SDK2: variants seen among roughly 807,000 people sequenced by gnomAD.
The protein encoded by SDK2 is protein sidekick-2.
In SDK2, 105 loss-of-function variants were observed where a neutral mutation model predicts 253.9. The ratio of observed to expected loss-of-function variants is 0.41; its 90% CI spans 0.35 to 0.49. The LOEUF (loss-of-function observed/expected upper bound fraction) is 0.49, where lower values mean the gene tolerates loss of function less well. Among genes scored for constraint, SDK2 ranks in the 20% least tolerant of loss-of-function variants. SDK2 has a pLI of 0.06. For missense variants in SDK2, 2,608 were observed against 3,003.0 expected, an observed-to-expected ratio of 0.87 and a Z score of 3.07; for synonymous variants, 1,249 against 1,234.9, an observed-to-expected ratio of 1.01 and a Z score of -0.24.
chr17:73,456,916 TC>T, intron 3 of SDK2, among the ~76,000 whole-genome samples: 1 of 152,266 alleles, frequency 6.6e-6, no homozygotes, highest in East Asian at 1.9e-4. Flanking sequence ...TTAATGGACA[TC>T]CCTGTTACTT....
chr17:73,378,132 G>T (rs1163705720), intron 36 of SDK2, among the ~76,000 whole-genome samples: 2 of 148,818 alleles, frequency 1.3e-5, no homozygotes, highest in African/African-American at 5.1e-5. Context: ...ACAGTGTCTT[G>T]CTCTGTTACC....
rs1193792451 is a variant in SDK2, at chr17:73,541,647, T to G, written c.65-34050A>C. 6.6e-6 allele frequency among the ~76,000 whole-genome samples: 1 copy of G among 152,160 alleles called. No homozygotes were observed. The highest frequency in any genetic ancestry group is 1.5e-5 in the Non-Finnish European group (1 of 68,016). On this transcript the variant is annotated intron_variant, in intron 1 of 44. Transcript: ENST00000392650. This position sits in a 1 kb window ranked among gnomAD's most constrained non-coding sequence, Gnocchi z 4.3. Reference sequence around the variant, plus strand: ...ATTTCTCGTGGCGTGTTTACCTTCCTGATTTTGCCTGCTTTTGTTTGGTTT... The same window carrying G: ...ATTTCTCGTGGCGTGTTTACCTTCCGGATTTTGCCTGCTTTTGTTTGGTTT...
At chr17:73,548,151 C>T (rs1250949973) in intron 1 of SDK2, among the ~76,000 whole-genome samples, 1 of 152,180 alleles carries the variant, frequency 6.6e-6, no homozygotes, top group Non-Finnish European at 1.5e-5. Flanking sequence ...AGAGCCAAAC[C>T]CTATCAATGG....
intron 41 of SDK2, among the ~76,000 whole-genome samples, chr17:73,351,542 AT>A (rs1435486281): frequency 6.6e-6 from 1 of 151,936 alleles, no homozygotes; most frequent in Non-Finnish European, 1.5e-5. Context: ...TTGGAGTGAA[AT>A]TTTTGCTGGT....
chr17:73,415,214 G>T (rs2063170488), intron 17 of SDK2, among the ~76,000 whole-genome samples: 1 of 152,184 alleles, frequency 6.6e-6, no homozygotes, highest in South Asian at 2.1e-4. Flanking sequence ...GGGTGCAATA[G>T]TAGGGGCCTG....
At chr17:73,526,283 C>T (rs1161933149) in intron 1 of SDK2, among the ~76,000 whole-genome samples, 1 of 152,044 alleles carries the variant, frequency 6.6e-6, no homozygotes, top group Admixed American at 6.6e-5. Context: ...GAGATGTGGC[C>T]GGCCAGCACA....
At chr17:73,557,274 CA>C (rs1333599873) in intron 1 of SDK2, among the ~76,000 whole-genome samples, 1 of 151,984 alleles carries the variant, frequency 6.6e-6, no homozygotes, top group Non-Finnish European at 1.5e-5. Flanking sequence ...AGGCTTACCT[CA>C]AAGGCTTTGC....
chr17:73,492,419 A>T (rs2063811886), intron 2 of SDK2, among the ~76,000 whole-genome samples: 1 of 151,950 alleles, frequency 6.6e-6, no homozygotes, highest in Admixed American at 6.6e-5. Context: ...GCCTCCAGGG[A>T]CTGTGCCCTA....
chr17:73,512,479 G>C (rs2063988334), intron 1 of SDK2, among the ~76,000 whole-genome samples: 1 of 151,954 alleles, frequency 6.6e-6, no homozygotes, highest in South Asian at 2.1e-4. Flanking sequence ...AAGGAGAATT[G>C]TGGATAGAAA....
chr17:73,466,519 G>A (rs1377198026), intron 3 of SDK2, among the ~76,000 whole-genome samples: 2 of 152,178 alleles, frequency 1.3e-5, no homozygotes, highest in Admixed American at 1.3e-4. Flanking sequence ...GGCAGAAGAA[G>A]GTAGACAGTG....
intron 3 of SDK2, among the ~76,000 whole-genome samples, chr17:73,469,686 T>G (rs2063630262): frequency 6.6e-6 from 1 of 152,054 alleles, no homozygotes. Flanking sequence ...CACCCTGGGT[T>G]TGTGTGTATG....
At chr17:73,371,843 C>T (rs1568369772) in intron 36 of SDK2, among the ~76,000 whole-genome samples, 1 of 151,914 alleles carries the variant, frequency 6.6e-6, no homozygotes, top group African/African-American at 2.4e-5. Context: ...GCCTGTAATC[C>T]CAGCTACTCA....
chr17:73,537,346 T>C (rs1312889440), intron 1 of SDK2, among the ~76,000 whole-genome samples: 1 of 152,082 alleles, frequency 6.6e-6, no homozygotes, highest in African/African-American at 2.4e-5. Context: ...CCGATTTCGC[T>C]TTGGGGCCTT....
intron 1 of SDK2, among the ~76,000 whole-genome samples, chr17:73,540,521 G>A (rs1300952491): frequency 6.6e-6 from 1 of 152,182 alleles, no homozygotes; most frequent in Non-Finnish European, 1.5e-5. Context: ...GACTAGGTAT[G>A]ATATTTGCTA....
At chr17:73,365,198 G>A in intron 38 of SDK2, 60 bp downstream of exon 38, 4 of 1,371,912 alleles carry the variant, frequency 2.9e-6, no homozygotes, top group Non-Finnish European at 3.9e-6. Context: ...TGGGCGCTGA[G>A]ATGAGAGCGA....
intron 1 of SDK2, among the ~76,000 whole-genome samples, chr17:73,573,139 A>G (rs2045411258): frequency 6.6e-6 from 1 of 152,090 alleles, no homozygotes; most frequent in Non-Finnish European, 1.5e-5. Context: ...CTTCCTCACA[A>G]TCAGCACCCC....
chr17:73,618,874 G>C lies in SDK2; in HGVS notation c.64+25151C>G, dbSNP rs917812168. 2.4e-4 allele frequency among the ~76,000 whole-genome samples: 36 copies of C among 151,958 alleles called. No individual in the cohort carries two copies. Among genetic ancestry groups the C allele is most frequent in the African/African-American group, 8.5e-4 (35 of 41,366 alleles). ...GAACCCTGGACAGAACACCAAAAAA[G>C]CAACTATTAGGGCTGGGTGTGGTGG... On this transcript the variant is annotated intron_variant, in intron 1 of 44. Transcript: ENST00000392650. This position sits in a 1 kb window ranked among gnomAD's most constrained non-coding sequence, Gnocchi z 4.1.
At chr17:73,558,736 G>T (rs2045183198) in intron 1 of SDK2, among the ~76,000 whole-genome samples, 1 of 152,128 alleles carries the variant, frequency 6.6e-6, no homozygotes, top group Non-Finnish European at 1.5e-5. Flanking sequence ...CAAGTTAACA[G>T]AACTTCAGGG....
intron 2 of SDK2, among the ~76,000 whole-genome samples, chr17:73,502,343 G>A (rs2063897238): frequency 6.6e-6 from 1 of 152,186 alleles, no homozygotes. Flanking sequence ...TCAGTATCCA[G>A]CAGTGGTTGG....
Sources: allele counts gnomAD v4.1 joint callset (sites outside exome capture counted in the v4.1 genomes callset), GRCh38; gene constraint gnomAD v4.1.1; non-coding constraint Gnocchi (gnomAD v3.1); transcripts MANE v1.5; gene names NCBI Gene and HGNC (gene_info 2026-07-23, HGNC 2026-07-21).